Variants in PCDHA8 observed in about 807,000 individuals in gnomAD.
PCDHA8 encodes the protein protocadherin alpha-8.
In PCDHA8, 53 loss-of-function variants were observed where a neutral mutation model predicts 61.8. The observed-to-expected ratio is 0.86, with a 90% CI of 0.69 to 1.08. PCDHA8 has a LOEUF of 1.08. Ranked by LOEUF, PCDHA8 falls within the 50% of genes least tolerant of loss-of-function variation. The pLI is 0.00. For missense variants in PCDHA8, 1,293 were observed against 1,245.0 expected (o/e 1.04, Z -0.58); for synonymous variants, 618 against 556.6 (o/e 1.11, Z -1.55).
At chr5:140,870,181 G>C in intron 1 of PCDHA8, 1 of 1,614,160 alleles carries the variant, frequency 6.2e-7, no homozygotes, top group Non-Finnish European at 8.5e-7. Context: ...CCCAGTACGA[G>C]AGGACGCTCA....
chr5:140,895,124 T>A (rs2064859568), intron 1 of PCDHA8, among the ~76,000 whole-genome samples: 1 of 152,196 alleles, frequency 6.6e-6, no homozygotes, highest in Non-Finnish European at 1.5e-5. Flanking sequence ...ATTTGTTAGT[T>A]GACAAGTTCA....
chr5:140,870,421 G>A (rs782065685), intron 1 of PCDHA8: 1 of 1,614,216 alleles, frequency 6.2e-7, no homozygotes, highest in Non-Finnish European at 8.5e-7. Flanking sequence ...CACGGCCAGG[G>A]TATCCGTGGA....
intron 3 of PCDHA8, among the ~76,000 whole-genome samples, chr5:140,992,354 A>C (rs996986066): frequency 1.3e-5 from 2 of 152,184 alleles, no homozygotes; most frequent in Non-Finnish European, 2.9e-5. Context: ...TGGAGAGAGG[A>C]GAAAAATGGT....
intron 1 of PCDHA8, among the ~76,000 whole-genome samples, chr5:140,914,947 T>TC (rs1232423561): frequency 7.0e-6 from 1 of 142,282 alleles, no homozygotes; most frequent in Non-Finnish European, 1.5e-5. Context: ...AAGTTGTCTT[T>TC]TTTTTTTTTT....
chr5:140,864,848 T>A (rs1581726954), intron 1 of PCDHA8: 1 of 152,184 alleles, frequency 6.6e-6, no homozygotes, highest in Non-Finnish European at 1.5e-5. Flanking sequence ...AGTCTTCCCA[T>A]ACATGATGAA....
At position 140,850,184 on chromosome 5, in the gene PCDHA8, G is replaced by A. The variant is rs2150471787; in HGVS notation, c.2394+6469G>A. 1.2e-5 allele frequency: 19 copies of A among 1,593,814 alleles called. 2 individuals carry two copies. The highest frequency in any genetic ancestry group is 4.5e-5 in the East Asian group (2 of 44,826). ...TGCTGGACGAGAACGACAATGCGCC[G>A]GCGCTGCTGACACCTCGGATGAGGG... On this transcript the variant is annotated intron_variant, in intron 1 of 3. Coordinates refer to ENST00000531613, the MANE Select transcript of PCDHA8 (RefSeq NM_018911.3).
intron 1 of PCDHA8, among the ~76,000 whole-genome samples, chr5:140,905,993 TG>T (rs1314051308): frequency 6.6e-6 from 1 of 152,176 alleles, no homozygotes; most frequent in African/African-American, 2.4e-5. Flanking sequence ...AGATGTAGGC[TG>T]GGAGGCTAAG....
rs565071573 is a variant in PCDHA8, at chr5:141,009,664, G to A, written c.2580G>A (p.Ala860=). The A allele has an allele frequency of 2.2e-5, 36 of 1,613,862 alleles. No individual in the cohort carries two copies. The highest frequency in any genetic ancestry group is 5.0e-5 in the Admixed American group (3 of 59,974). The stretch of plus-strand genomic sequence containing the variant: ...GAGAAGTGTCCCCTCCAGTCGGTGC[G>A]GGTGTCAACAGCAACAGCTGGACCT... The part of the protein sequence containing the change: ...EAGEVSPPVG[A]GVNSNSWTFK... Residue 860 remains alanine (A), a synonymous_variant, in exon 4 of 4, where the codon GCG becomes GCA. Transcript: ENST00000531613.
chr5:140,915,626 GTCTCTC>G (rs57920489), intron 1 of PCDHA8, among the ~76,000 whole-genome samples: 2,942 of 146,518 alleles, frequency 0.02, 88 homozygotes, highest in African/African-American at 0.07. Context: ...GTCTCTTTCT[GTCTCTC>G]TCTCTCTCTC....
At chr5:140,857,717 G>C (rs782771327) in intron 1 of PCDHA8, 1 of 1,597,518 alleles carries the variant, frequency 6.3e-7, no homozygotes, top group African/African-American at 1.3e-5. Flanking sequence ...CGTGCTGGAC[G>C]AGAACGACAA....
chr5:140,924,229 T>A (rs543275737), intron 1 of PCDHA8, among the ~76,000 whole-genome samples: 4 of 152,376 alleles, frequency 2.6e-5, no homozygotes, highest in African/African-American at 9.6e-5. Flanking sequence ...TCAATTTTTA[T>A]GGGCTGTTTT....
intron 1 of PCDHA8, among the ~76,000 whole-genome samples, chr5:140,947,275 T>C (rs246050): frequency 1.3e-5 from 2 of 151,244 alleles, no homozygotes; most frequent in Non-Finnish European, 3.0e-5. Flanking sequence ...GAAAATACTT[T>C]TTCTTTTTAT....
At chr5:140,864,602 A>T (rs1472168357) in intron 1 of PCDHA8, 2 of 152,210 alleles carry the variant, frequency 1.3e-5, no homozygotes, top group African/African-American at 4.8e-5. Flanking sequence ...CAGATAGCCA[A>T]CAACTTTGTT....
At position 140,937,140 on chromosome 5, in the gene PCDHA8, C is replaced by T. The variant is rs553273845; in HGVS notation, c.2395-41809C>T. Among the ~76,000 whole-genome samples, 820 of 151,358 alleles carry T rather than the reference C, an allele frequency of 5.4e-3. 1 individual carries two copies. The highest frequency in any genetic ancestry group is 0.019 in the African/African-American group (789 of 41,228). On this transcript the variant is annotated intron_variant, in intron 1 of 3. Transcript: ENST00000531613. Reference sequence around the variant, plus strand: ...GCAAGCTCCGCCTCCCGGGTTCATGCCATTCTCCTGCCTCAGCCTCCCGAG... The same window carrying T: ...GCAAGCTCCGCCTCCCGGGTTCATGTCATTCTCCTGCCTCAGCCTCCCGAG...
At chr5:140,962,224 A>C (rs2095665980) in intron 1 of PCDHA8, among the ~76,000 whole-genome samples, 1 of 152,152 alleles carries the variant, frequency 6.6e-6, no homozygotes. Flanking sequence ...TTGAGGTTCA[A>C]GTTTCACTTA....
intron 1 of PCDHA8, among the ~76,000 whole-genome samples, chr5:140,891,866 T>C (rs2063289213): frequency 6.6e-6 from 1 of 152,184 alleles, no homozygotes; most frequent in Non-Finnish European, 1.5e-5. Flanking sequence ...TCTCTTATGC[T>C]TTTGGCTCTG....
chr5:140,861,565 T>C (rs1191527978), intron 1 of PCDHA8: 2 of 376,886 alleles, frequency 5.3e-6, no homozygotes, highest in South Asian at 4.9e-5. Flanking sequence ...GTGGACAAGC[T>C]GCTACAGGTT....
At chr5:140,883,121 G>A in intron 1 of PCDHA8, 3 of 1,614,070 alleles carry the variant, frequency 1.9e-6, no homozygotes, top group Non-Finnish European at 2.5e-6. Context: ...TAGAAGGCCT[G>A]TATGGCCTGC....
rs2150406668 is a variant in PCDHA8, at chr5:140,848,164, G to C, written c.2394+4449G>C. ...TAGAGGCAGTCAGTCTGCTAAGAAG[G>C]CTCCAGCAAGAGAAACGGGATCTTC... On this transcript the variant is annotated intron_variant, in intron 1 of 3. Transcript: ENST00000531613. 62 of 251,046 alleles carry C rather than the reference G, an allele frequency of 2.5e-4. 5 individuals are homozygous for C. Among genetic ancestry groups the C allele is most frequent in the African/African-American group, 1.2e-3 (56 of 44,864 alleles). The allele number at this position is 251,046 out of a possible 1,614,324, so 15.6% of individuals were successfully genotyped here.
Sources: allele counts gnomAD v4.1 joint callset (sites outside exome capture counted in the v4.1 genomes callset), GRCh38; gene constraint gnomAD v4.1.1; transcripts MANE v1.5; gene names NCBI Gene and HGNC (gene_info 2026-07-23, HGNC 2026-07-21).